Variants in SOX5 observed in about 807,000 individuals in gnomAD.
The protein encoded by SOX5 is transcription factor SOX-5.
In SOX5, 9 loss-of-function variants were observed where a neutral mutation model predicts 92.0. That is an observed-to-expected ratio of 0.10 (90% CI 0.06 to 0.17). SOX5 has a LOEUF of 0.17. Ranked by LOEUF, SOX5 falls within the 10% of genes least tolerant of loss-of-function variation. The pLI, the probability that SOX5 is intolerant of heterozygous loss-of-function variation, is 1.00. For missense variants in SOX5, 642 were observed against 944.5 expected, an observed-to-expected ratio of 0.68 and a Z score of 4.20; for synonymous variants, 344 against 336.3, an observed-to-expected ratio of 1.02 and a Z score of -0.25.
intron 1 of SOX5, among the ~76,000 whole-genome samples, chr12:24,436,983 G>T (rs1298642507): frequency 1.3e-5 from 2 of 152,156 alleles, no homozygotes; most frequent in Non-Finnish European, 2.9e-5. Flanking sequence ...GTGGCTTACT[G>T]AGTAGTTTAA....
chr12:24,463,829 G>C (rs1307629371), intron 1 of SOX5, among the ~76,000 whole-genome samples: 1 of 152,092 alleles, frequency 6.6e-6, no homozygotes, highest in East Asian at 1.9e-4. Context: ...TTTTATTTTG[G>C]AACACTGACA....
At chr12:24,256,965 A>G (rs1268442728) in intron 3 of SOX5, among the ~76,000 whole-genome samples, 4 of 152,204 alleles carry the variant, frequency 2.6e-5, no homozygotes, top group Admixed American at 2.6e-4. Context: ...GAGCCCCTTG[A>G]AAGAGCCCAC....
intron 4 of SOX5, among the ~76,000 whole-genome samples, chr12:24,051,053 C>T (rs531802114): frequency 1.5e-4 from 23 of 152,052 alleles, no homozygotes; most frequent in Non-Finnish European, 2.4e-4. Flanking sequence ...TTTTCTCCAC[C>T]CAAACTATAA....
At chr12:24,381,497 T>C (rs1315607133) in intron 1 of SOX5, among the ~76,000 whole-genome samples, 1 of 152,172 alleles carries the variant, frequency 6.6e-6, no homozygotes, top group African/African-American at 2.4e-5. Context: ...TGGAAAATAG[T>C]TTTTAAAATA....
chr12:23,937,121 C>A (rs1422978356), intron 1 of SOX5, among the ~76,000 whole-genome samples: 1 of 150,970 alleles, frequency 6.6e-6, no homozygotes, highest in Non-Finnish European at 1.5e-5. Context: ...AATAAGCTAA[C>A]ACATTCTAAT....
chr12:24,353,702 G>A (rs1461594636), intron 2 of SOX5, among the ~76,000 whole-genome samples: 7 of 152,004 alleles, frequency 4.6e-5, no homozygotes, highest in East Asian at 1.9e-4. Flanking sequence ...GTGCAGTGGT[G>A]GGATCTTGGC....
intron 1 of SOX5, among the ~76,000 whole-genome samples, chr12:24,452,862 C>A (rs1029410741): frequency 3.3e-5 from 5 of 152,134 alleles, no homozygotes. Flanking sequence ...TAGAATTGAG[C>A]ATATTCTTCC....
chr12:23,532,314 TTATTTA>T lies in SOX5; in HGVS notation c.*1899_*1904del, dbSNP rs1939271382. The T allele has an allele frequency of 6.6e-6, 1 of 152,118 alleles. No homozygotes were observed. Among genetic ancestry groups the T allele is most frequent in the Non-Finnish European group, 1.5e-5 (1 of 68,024 alleles). 9.4% of individuals were successfully genotyped at this position (152,118 alleles called of 1,614,324 possible). On this transcript the variant is annotated 3_prime_UTR_variant, in exon 15 of 15. Coordinates refer to ENST00000451604, the MANE Select transcript of SOX5 (RefSeq NM_006940.6). ...GAGAAAAATAAAAGGGATTCTTTTT[TTATTTA>T]TATGTAAAAATCCAACTTTAGGGTG...
At chr12:24,274,949 T>C (rs770258066) in intron 3 of SOX5, among the ~76,000 whole-genome samples, 1 of 152,182 alleles carries the variant, frequency 6.6e-6, no homozygotes, top group African/African-American at 2.4e-5. Context: ...TGAACTGCCC[T>C]AAGCTAAAAG....
intron 4 of SOX5, among the ~76,000 whole-genome samples, chr12:24,190,635 T>G (rs1262227867): frequency 6.6e-6 from 1 of 152,236 alleles, no homozygotes; most frequent in African/African-American, 2.4e-5. Flanking sequence ...GGATCATATT[T>G]GGAGCCATTG....
chr12:24,150,848 G>C (rs534161795), intron 4 of SOX5, among the ~76,000 whole-genome samples: 2 of 152,000 alleles, frequency 1.3e-5, no homozygotes, highest in East Asian at 3.9e-4. Context: ...TGGTTGCAGG[G>C]CTGGTGGCAA....
intron 2 of SOX5, among the ~76,000 whole-genome samples, chr12:24,336,285 G>T (rs1951894027): frequency 6.6e-6 from 1 of 151,900 alleles, no homozygotes; most frequent in Admixed American, 6.6e-5. Context: ...AGTAGAGACG[G>T]TGTTTCACCA....
At chr12:23,580,516 G>A (rs184561943) in intron 9 of SOX5, among the ~76,000 whole-genome samples, 5 of 152,036 alleles carry the variant, frequency 3.3e-5, no homozygotes, top group African/African-American at 9.6e-5. Flanking sequence ...ATGCTAAAGA[G>A]TGGTTTGGAC....
At chr12:24,275,260 CAG>C (rs1944301397) in intron 3 of SOX5, among the ~76,000 whole-genome samples, 1 of 151,860 alleles carries the variant, frequency 6.6e-6, no homozygotes, top group African/African-American at 2.4e-5. Flanking sequence ...GTCCATTATC[CAG>C]AGTTAATTAT....
chr12:23,831,462 A>G (rs11047122), intron 3 of SOX5, among the ~76,000 whole-genome samples: 103,098 of 151,856 alleles, frequency 0.68, 35,409 homozygotes, highest in African/African-American at 0.77. Context: ...AGAGGGACGG[A>G]TGGGGGAATG....
At chr12:23,894,849 T>C (rs577247997) in intron 2 of SOX5, among the ~76,000 whole-genome samples, 62 of 152,312 alleles carry the variant, frequency 4.1e-4, no homozygotes, top group African/African-American at 1.5e-3. Context: ...AATATATTTT[T>C]GTTGGTGTAA....
intron 4 of SOX5, among the ~76,000 whole-genome samples, chr12:24,095,112 CACACACACACACACACAGAGAG>C (rs1569540686): frequency 9.8e-6 from 1 of 102,182 alleles, no homozygotes; most frequent in Non-Finnish European, 2.1e-5. Flanking sequence ...CACACACACA[CACACACACACACACACAGAGAG>C]AGAGAGAGAG....
intron 1 of SOX5, among the ~76,000 whole-genome samples, chr12:24,394,700 A>G (rs1959438958): frequency 6.6e-6 from 1 of 152,204 alleles, no homozygotes; most frequent in Admixed American, 6.5e-5. Context: ...AGGTAGAACA[A>G]TGCCTGAAAA....
chr12:23,550,787 A>G (rs574312363), intron 11 of SOX5, among the ~76,000 whole-genome samples: 42 of 152,116 alleles, frequency 2.8e-4, no homozygotes, highest in Admixed American at 2.4e-3. Flanking sequence ...CTTAAAAAAA[A>G]TAAAAAACAA....
Sources: allele counts gnomAD v4.1 joint callset (sites outside exome capture counted in the v4.1 genomes callset), GRCh38; gene constraint gnomAD v4.1.1; transcripts MANE v1.5; gene names NCBI Gene and HGNC (gene_info 2026-07-23, HGNC 2026-07-21).